HLCS: variants seen among roughly 807,000 people sequenced by gnomAD.
The protein encoded by HLCS is biotin--protein ligase.
A neutral mutation model predicts 75.0 loss-of-function variants in HLCS; 53 were observed. The ratio of observed to expected loss-of-function variants is 0.71; its 90% CI spans 0.57 to 0.89. HLCS has a LOEUF of 0.89. Among genes scored for constraint, HLCS ranks in the 40% least tolerant of loss-of-function variants. The pLI is 0.00. For synonymous variants in HLCS, 431 were observed against 428.6 expected (o/e 1.01, Z -0.07); for missense variants, 966 against 1,074.0 (o/e 0.90, Z 1.41).
At chr21:36,928,307 G>A (rs1474166379) in intron 5 of HLCS, among the ~76,000 whole-genome samples, 1 of 152,222 alleles carries the variant, frequency 6.6e-6, no homozygotes, top group Non-Finnish European at 1.5e-5. Context: ...GGAGCGCCAT[G>A]CCTGTAATCC....
At chr21:36,770,553 T>G (rs1359409932) in intron 6 of HLCS, among the ~76,000 whole-genome samples, 2 of 152,144 alleles carry the variant, frequency 1.3e-5, no homozygotes, top group African/African-American at 4.8e-5. Flanking sequence ...TTTCTTTTAT[T>G]TTAAAACTTT....
intron 6 of HLCS, among the ~76,000 whole-genome samples, chr21:36,837,864 G>A (rs535038443): frequency 2.6e-5 from 4 of 152,120 alleles, no homozygotes; most frequent in Non-Finnish European, 5.9e-5. Context: ...TTCTTACAGC[G>A]GAGAGGGGAA....
intron 6 of HLCS, 76 bp downstream of exon 6, chr21:36,896,783 TC>T: frequency 6.6e-7 from 1 of 1,514,798 alleles, no homozygotes; most frequent in Non-Finnish European, 9.2e-7. Flanking sequence ...CTCTATCCCC[TC>T]CCCGTCTATT....
intron 2 of HLCS, among the ~76,000 whole-genome samples, chr21:36,957,052 C>CAAA (rs3035105): frequency 2.8e-5 from 3 of 108,050 alleles, no homozygotes; most frequent in African/African-American, 1.1e-4. Flanking sequence ...GACTCCGTCT[C>CAAA]AAAAAAAAAA....
intron 6 of HLCS, among the ~76,000 whole-genome samples, chr21:36,797,411 T>A (rs2061059876): frequency 6.6e-6 from 1 of 151,788 alleles, no homozygotes. Flanking sequence ...ACATTAAAAT[T>A]AATATAATAA....
At chr21:36,790,274 T>G (rs960971604) in intron 6 of HLCS, among the ~76,000 whole-genome samples, 1 of 151,944 alleles carries the variant, frequency 6.6e-6, no homozygotes, top group African/African-American at 2.4e-5. Flanking sequence ...TGTGGTGGGG[T>G]GCACCTGTAA....
intron 8 of HLCS, among the ~76,000 whole-genome samples, chr21:36,763,460 C>T (rs576020654): frequency 3.9e-5 from 6 of 152,212 alleles, no homozygotes; most frequent in African/African-American, 9.6e-5. Flanking sequence ...TCCGTTTCAG[C>T]GATGTGATGT....
intron 6 of HLCS, among the ~76,000 whole-genome samples, chr21:36,823,543 C>T (rs931465092): frequency 1.3e-5 from 2 of 151,474 alleles, no homozygotes; most frequent in African/African-American, 4.9e-5. Flanking sequence ...TTCACAAATA[C>T]GTGTATGTGT....
At position 36,936,492 on chromosome 21, in the gene HLCS, T is replaced by G. The variant is rs1221359039; in HGVS notation, c.1394A>C (p.His465Pro). The change falls in exon 4 of 11, where the codon CAT becomes CCT. Residue 465 changes from histidine (H) to proline (P), a missense_variant. Coordinates refer to ENST00000674895, the MANE Select transcript of HLCS (RefSeq NM_001352514.2). Reference sequence around the variant, plus strand: ...TCCCCCGCGAGTTCCAAAAGGCACATGCACAATCATCCTGTCCTTGTCCTC... The same window carrying G: ...TCCCCCGCGAGTTCCAAAAGGCACAGGCACAATCATCCTGTCCTTGTCCTC... ...ENEDKDRMIV[H>P]VPFGTRGGEA... 1.2e-6 allele frequency: 2 copies of G among 1,614,208 alleles called. No homozygotes were observed. The highest frequency in any genetic ancestry group is 8.5e-7 in the Non-Finnish European group (1 of 1,180,032).
At chr21:36,978,063 G>GTCAA (rs2068991875) in intron 1 of HLCS, among the ~76,000 whole-genome samples, 1 of 152,162 alleles carries the variant, frequency 6.6e-6, no homozygotes, top group Non-Finnish European at 1.5e-5. Context: ...TCCTCAACTG[G>GTCAA]TCAATCATGG....
chr21:36,964,090 T>G (rs2068445320), intron 1 of HLCS, among the ~76,000 whole-genome samples: 1 of 152,158 alleles, frequency 6.6e-6, no homozygotes, highest in Non-Finnish European at 1.5e-5. Flanking sequence ...CCAGGCGTGG[T>G]GGCTCATGCC....
At chr21:36,848,271 GT>G (rs59079731) in intron 6 of HLCS, among the ~76,000 whole-genome samples, 7,424 of 138,460 alleles carry the variant, frequency 0.054, 363 homozygotes, top group African/African-American at 0.16. Flanking sequence ...CATAATTGTT[GT>G]TTTTTTTTTT....
In HLCS at chr21:36,936,771, A is replaced by G; in HGVS notation, c.1115T>C (p.Ile372Thr). ...LLLVIATRESIPEDLYQKFMA... is the reference protein window; with the variant it reads ...LLLVIATRESTPEDLYQKFMA... ...GAACTTCTGGTACAGGTCTTCGGGA[A>G]TGGACTCCCTGGTAGCAATGACCAA... is the stretch of plus-strand genomic sequence containing the variant. Residue 372 changes from isoleucine (I) to threonine (T), a missense_variant, in exon 4 of 11, where the codon ATT becomes ACT. By Grantham distance (89) the Ile-to-Thr change is moderately conservative (BLOSUM62 -1). Coordinates refer to ENST00000674895, the MANE Select transcript of HLCS (RefSeq NM_001352514.2). 3 of 1,614,206 alleles carry G rather than the reference A, an allele frequency of 1.9e-6. No homozygotes were observed. In the African/African-American group the frequency reaches 4.0e-5, roughly 22 times the overall value.
At position 36,859,168 on chromosome 21, in the gene HLCS, G is replaced by A. The variant is rs1325641456; in HGVS notation, c.1892+37692C>T. On this transcript the variant is annotated intron_variant, in intron 6 of 10. Coordinates refer to ENST00000674895, the MANE Select transcript of HLCS (RefSeq NM_001352514.2). ...CTCCTGAGTAGCTGGGATTACAGGC[G>A]TGTGCCACCAAGCCCAGCTAATTGT... 2.2e-4 allele frequency among the ~76,000 whole-genome samples: 33 copies of A among 152,136 alleles called. 1 individual carries two copies. Among genetic ancestry groups the A allele is most frequent in the Admixed American group, 6.5e-5 (1 of 15,270 alleles).
intron 6 of HLCS, among the ~76,000 whole-genome samples, chr21:36,855,617 A>C (rs1182582871): frequency 6.7e-5 from 10 of 150,264 alleles, no homozygotes; most frequent in Non-Finnish European, 1.5e-4. Flanking sequence ...ATCTCGCTCT[A>C]TTGTCCAGGC....
chr21:36,897,475 C>T (rs756930973), intron 5 of HLCS, among the ~76,000 whole-genome samples: 7 of 152,158 alleles, frequency 4.6e-5, no homozygotes, highest in Admixed American at 1.3e-4. Flanking sequence ...GTTCATTTTA[C>T]GGAAAACTTT....
chr21:36,970,529 G>A (rs1171958444), upstream of HLCS, among the ~76,000 whole-genome samples: 1 of 152,052 alleles, frequency 6.6e-6, no homozygotes, highest in Non-Finnish European at 1.5e-5. Flanking sequence ...CACCACACCT[G>A]GCTAATTTTT....
chr21:36,966,425 G>GCGGCCC lies in HLCS; in HGVS notation c.195+18_195+19insGGGCCG. 2 of 195,440 alleles carry GCGGCCC rather than the reference G, an allele frequency of 1.0e-5. No individual in the cohort carries two copies. The highest frequency in any genetic ancestry group is 1.7e-5 in the Non-Finnish European group (2 of 116,692). The allele number at this position is 195,440 out of a possible 1,614,324, so 12.1% of individuals were successfully genotyped here. On this transcript the variant is annotated intron_variant, in intron 1 of 10. Transcript: ENST00000674895. ...CCGGCTCGCGGGGCCCGGGTCGCCCGCCCGCCCGACCCGCCCACCTGGCTG... is the reference window on the plus strand; with the variant it reads ...CCGGCTCGCGGGGCCCGGGTCGCCCGCGGCCCCCCGCCCGACCCGCCCACCTGGCTG...
At chr21:36,964,500 C>T (rs534479451) in intron 1 of HLCS, among the ~76,000 whole-genome samples, 6 of 152,132 alleles carry the variant, frequency 3.9e-5, no homozygotes, top group South Asian at 2.1e-4. Flanking sequence ...GAAAAAGATA[C>T]GAACTAGAAT....
Sources: allele counts gnomAD v4.1 joint callset (sites outside exome capture counted in the v4.1 genomes callset), GRCh38; gene constraint gnomAD v4.1.1; transcripts MANE v1.5; gene names NCBI Gene and HGNC (gene_info 2026-07-23, HGNC 2026-07-21).